The following ANKS1B variants were observed in gnomAD, a reference collection of about 807,000 sequenced individuals.
ANKS1B encodes the protein ankyrin repeat and sterile alpha motif domain-containing protein 1B.
In ANKS1B, 36 loss-of-function variants were observed where a neutral mutation model predicts 148.3. The ratio of observed to expected loss-of-function variants is 0.24; its 90% CI spans 0.19 to 0.32. ANKS1B has a LOEUF of 0.32. Among genes scored for constraint, ANKS1B ranks in the 10% least tolerant of loss-of-function variants. The pLI is 1.00. For missense variants in ANKS1B, 1,157 were observed against 1,542.6 expected (o/e 0.75, Z 4.19); for synonymous variants, 542 against 560.8 (o/e 0.97, Z 0.47).
At chr12:98,870,644 G>A (rs1012176029) in intron 17 of ANKS1B, among the ~76,000 whole-genome samples, 3 of 152,194 alleles carry the variant, frequency 2.0e-5, no homozygotes, top group Admixed American at 6.5e-5. Flanking sequence ...TAACGAGGTG[G>A]TGACGCCCTA....
intron 10 of ANKS1B, among the ~76,000 whole-genome samples, chr12:99,451,715 T>A (rs2095739811): frequency 6.6e-6 from 1 of 152,180 alleles, no homozygotes; most frequent in African/African-American, 2.4e-5. Flanking sequence ...TATATTTAAC[T>A]TCAGTTTCAT....
intron 1 of ANKS1B, among the ~76,000 whole-genome samples, chr12:99,910,354 C>CAAAAAAA (rs57222450): frequency 5.9e-5 from 3 of 51,090 alleles, no homozygotes; most frequent in African/African-American, 8.0e-5. Flanking sequence ...GACTCCATCT[C>CAAAAAAA]AAAAAAAAAA....
intron 22 of ANKS1B, among the ~76,000 whole-genome samples, chr12:98,792,596 T>TC (rs751562904): frequency 3.9e-5 from 6 of 152,160 alleles, no homozygotes; most frequent in Non-Finnish European, 7.4e-5. Flanking sequence ...GTCTCCCTAT[T>TC]CCCCTCCTCC....
chr12:99,903,218 T>C (rs931987713), intron 1 of ANKS1B, among the ~76,000 whole-genome samples: 4 of 152,236 alleles, frequency 2.6e-5, no homozygotes, highest in Non-Finnish European at 5.9e-5. Context: ...GATGACTTTA[T>C]CTTATCCCAT....
At chr12:99,632,647 T>C (rs1177623009) in intron 9 of ANKS1B, among the ~76,000 whole-genome samples, 1 of 147,758 alleles carries the variant, frequency 6.8e-6, no homozygotes, top group African/African-American at 2.5e-5. Context: ...CACCCTTAGA[T>C]TTAATGTCTG....
chr12:99,000,981 G>T (rs1598286026), intron 17 of ANKS1B, among the ~76,000 whole-genome samples: 1 of 152,048 alleles, frequency 6.6e-6, no homozygotes, highest in Non-Finnish European at 1.5e-5. Context: ...GTGTGTGTGT[G>T]TGTGCGCGCG....
chr12:98,738,839 A>G (rs1458790514), intron 9 of ANKS1B, among the ~76,000 whole-genome samples: 1 of 152,152 alleles, frequency 6.6e-6, no homozygotes, highest in Non-Finnish European at 1.5e-5. Flanking sequence ...AGATGTTCTT[A>G]TATTCACCTT....
chr12:99,327,627 TC>T (rs962409474), intron 12 of ANKS1B, among the ~76,000 whole-genome samples: 7 of 148,964 alleles, frequency 4.7e-5, no homozygotes, highest in African/African-American at 1.2e-4. Flanking sequence ...GGTATATGTA[TC>T]CCCCCCATAT....
chr12:98,909,816 G>A (rs1043236737), intron 17 of ANKS1B, among the ~76,000 whole-genome samples: 9 of 152,210 alleles, frequency 5.9e-5, no homozygotes, highest in Non-Finnish European at 1.3e-4. Context: ...GTCTAAAAGC[G>A]TGGTTCTTCA....
At chr12:99,322,368 A>G (rs577907533) in intron 12 of ANKS1B, among the ~76,000 whole-genome samples, 1 of 151,398 alleles carries the variant, frequency 6.6e-6, no homozygotes, top group African/African-American at 2.4e-5. Flanking sequence ...GTGGGGAATG[A>G]GGGGAGTGAA....
chr12:99,588,639 C>T (rs1023972842), intron 9 of ANKS1B, among the ~76,000 whole-genome samples: 1 of 152,106 alleles, frequency 6.6e-6, no homozygotes, highest in Non-Finnish European at 1.5e-5. Flanking sequence ...GGCCAACTAT[C>T]AGCCAAAATG....
Position 99,779,900 on chromosome 12 carries a change from T to G in ANKS1B, c.818A>C (p.Lys273Thr), listed in dbSNP as rs1272741124. ...LDILKEHPSQ[K>T]SLQIATLLQE... ...TAAGAGTGTTGCAATCTGGAGAGAT[T>G]TCTGAGATGGATGTTCTTTCAGAAT... Residue 273 changes from lysine to threonine, a missense_variant, in exon 6 of 27, where the codon AAA becomes ACA. Transcript: ENST00000683438. The G allele has an allele frequency of 6.2e-7, 1 of 1,612,850 alleles. No individual in the cohort carries two copies. The highest frequency in any genetic ancestry group is 1.7e-5 in the Admixed American group (1 of 59,848).
chr12:99,111,410 T>A (rs893513722), intron 15 of ANKS1B, among the ~76,000 whole-genome samples: 10 of 152,210 alleles, frequency 6.6e-5, no homozygotes, highest in African/African-American at 2.2e-4. Context: ...TTTGTTAGTG[T>A]CCTCATAGCT....
Position 99,171,530 on chromosome 12 carries a change from G to A in ANKS1B, c.2420-17135C>T, listed in dbSNP as rs12296950. 4.4e-3 allele frequency among the ~76,000 whole-genome samples: 674 copies of A among 152,252 alleles called. 8 individuals carry two copies. The highest frequency in any genetic ancestry group is 0.015 in the African/African-American group (632 of 41,544). On this transcript the variant is annotated intron_variant, in intron 14 of 26. Transcript: ENST00000683438. ...GTTAAAATGCTAAGGGAAGTCAGGA[G>A]CTTGGATTCAATTTTCCCTAAGGCC...
intron 10 of ANKS1B, among the ~76,000 whole-genome samples, chr12:99,494,121 G>A (rs948067069): frequency 2.6e-5 from 4 of 152,170 alleles, no homozygotes; most frequent in African/African-American, 9.7e-5. Flanking sequence ...CCAGATGGAG[G>A]TGTCGCCAAC....
chr12:99,619,769 G>A (rs1205386259), intron 9 of ANKS1B, among the ~76,000 whole-genome samples: 5 of 152,166 alleles, frequency 3.3e-5, no homozygotes, highest in African/African-American at 1.2e-4. Flanking sequence ...ACTTGGGGCT[G>A]AGGAGGTTTC....
intron 8 of ANKS1B, among the ~76,000 whole-genome samples, chr12:99,662,480 T>A (rs1315123557): frequency 6.6e-6 from 1 of 152,170 alleles, no homozygotes; most frequent in Non-Finnish European, 1.5e-5. Context: ...CACATATGTG[T>A]TGAAAATGAA....
At chr12:99,471,501 A>T (rs1159044908) in intron 10 of ANKS1B, among the ~76,000 whole-genome samples, 3 of 152,094 alleles carry the variant, frequency 2.0e-5, no homozygotes, top group African/African-American at 7.2e-5. Context: ...GTAATTACTT[A>T]TGCTCAACAT....
chr12:98,768,453 G>A lies in ANKS1B; in HGVS notation c.3579+4589C>T, dbSNP rs955228246. 4.7e-4 allele frequency among the ~76,000 whole-genome samples: 27 copies of A among 56,902 alleles called. 1 individual carries two copies. In the South Asian group the frequency reaches 6.5e-3, roughly 14 times the overall value. The allele number at this position is 56,902 out of a possible 152,430, so 37.3% of individuals were successfully genotyped here. On this transcript the variant is annotated intron_variant, in intron 25 of 26. Coordinates refer to ENST00000683438, the MANE Select transcript of ANKS1B (RefSeq NM_001352186.2). ...AAAAAAAAAAAAAAAAAAAAAAAAA[G>A]GCCGGGCACGGTGGCTCATGCCTGT...
Sources: allele counts gnomAD v4.1 joint callset (sites outside exome capture counted in the v4.1 genomes callset), GRCh38; gene constraint gnomAD v4.1.1; transcripts MANE v1.5; gene names NCBI Gene and HGNC (gene_info 2026-07-23, HGNC 2026-07-21).